Variants in TMIGD2 observed in about 807,000 individuals in gnomAD.
TMIGD2 encodes the protein transmembrane and immunoglobulin domain-containing protein 2.
A neutral mutation model predicts 22.6 loss-of-function variants in TMIGD2; 18 were observed. That is an observed-to-expected ratio of 0.80 (90% CI 0.55 to 1.18). The LOEUF (loss-of-function observed/expected upper bound fraction) is 1.18. Among genes scored for constraint, TMIGD2 ranks in the 50% most tolerant of loss-of-function variants. The probability of loss-of-function intolerance (pLI) is 0.00; values close to 1 mark genes in which losing one functional copy is unlikely to be tolerated. For synonymous variants in TMIGD2, 184 were observed against 154.1 expected, an observed-to-expected ratio of 1.19 and a Z score of -1.44; for missense variants, 361 against 378.2, an observed-to-expected ratio of 0.95 and a Z score of 0.38.
At chr19:4,297,367 C>A (rs1971474971) in intron 2 of TMIGD2, among the ~76,000 whole-genome samples, 1 of 151,338 alleles carries the variant, frequency 6.6e-6, no homozygotes, top group South Asian at 2.1e-4. Flanking sequence ...CCGCGCCCAG[C>A]TGATGGCTTT....
intron 4 of TMIGD2, among the ~76,000 whole-genome samples, chr19:4,294,150 C>T (rs1386560033): frequency 1.3e-5 from 2 of 151,796 alleles, no homozygotes; most frequent in East Asian, 3.9e-4. Flanking sequence ...TCACTGCAAC[C>T]TCTGCCTCCC....
chr19:4,302,222 A>G, intron 1 of TMIGD2, 118 bp downstream of exon 1: 1 of 1,076,712 alleles, frequency 9.3e-7, no homozygotes, highest in South Asian at 1.7e-5. Context: ...TCGGAGGGAG[A>G]TGGGCCTTAT....
chr19:4,302,030 T>C (rs1490140308), intron 1 of TMIGD2, among the ~76,000 whole-genome samples: 1 of 152,092 alleles, frequency 6.6e-6, no homozygotes, highest in African/African-American at 2.4e-5. Context: ...AGCCTTCCCA[T>C]TGCGGAAACA....
Position 4,294,234 on chromosome 19 carries a change from A to AT in TMIGD2, c.562+332dup, listed in dbSNP as rs555122770. 6.5e-4 allele frequency among the ~76,000 whole-genome samples: 99 copies of AT among 151,388 alleles called. 2 individuals carry two copies. In the South Asian group the frequency reaches 0.02, roughly 30 times the overall value. On this transcript the variant is annotated intron_variant, in intron 4 of 4. Transcript: ENST00000301272. Reference sequence around the variant, plus strand: ...AGGCGTCTGCCACCACACCTAGCTAATTTTTTGTATTTTTAGTAGATACAA... The same window carrying AT: ...AGGCGTCTGCCACCACACCTAGCTAATTTTTTTGTATTTTTAGTAGATACAA...
chr19:4,294,680 C>T, exon 4 of TMIGD2: 1 of 1,588,250 alleles, frequency 6.3e-7, no homozygotes, highest in Admixed American at 1.8e-5. Flanking sequence ...GAAGAGGAAT[C>T]CTGGGTAGGG....
At chr19:4,295,761 CAGAG>C (rs1383519362) in intron 2 of TMIGD2, among the ~76,000 whole-genome samples, 1 of 152,100 alleles carries the variant, frequency 6.6e-6, no homozygotes, top group East Asian at 1.9e-4. Flanking sequence ...AACCGAGGCT[CAGAG>C]AGCCTAAGTC....
exon 2 of TMIGD2, chr19:4,298,225 C>T (rs771551646): frequency 2.9e-5 from 47 of 1,613,020 alleles, no homozygotes; most frequent in East Asian, 6.7e-5. Flanking sequence ...CCACTTAACA[C>T]GGAGCCGTTC....
At chr19:4,301,326 G>A (rs567077654) in intron 1 of TMIGD2, among the ~76,000 whole-genome samples, 1 of 152,108 alleles carries the variant, frequency 6.6e-6, no homozygotes, top group Non-Finnish European at 1.5e-5. Flanking sequence ...GATTGCTTGA[G>A]GCCAGGAGTT....
In TMIGD2 at chr19:4,294,224, C is replaced by T. The variant is rs535687879; in HGVS notation, c.562+343G>A. Among the ~76,000 whole-genome samples the T allele has an allele frequency of 4.5e-3, 687 of 151,722 alleles. 5 individuals carry two copies. The highest frequency in any genetic ancestry group is 0.015 in the African/African-American group (608 of 41,128). ...CTGGTATTACAGGCGTCTGCCACCA[C>T]ACCTAGCTAATTTTTTGTATTTTTA... On this transcript the variant is annotated intron_variant, in intron 4 of 4. Coordinates refer to ENST00000301272, the Ensembl canonical transcript of TMIGD2.
At chr19:4,298,655 G>T (rs1047265654) in intron 1 of TMIGD2, among the ~76,000 whole-genome samples, 1 of 152,102 alleles carries the variant, frequency 6.6e-6, no homozygotes, top group African/African-American at 2.4e-5. Context: ...GGGATCGCTT[G>T]AGCCCAGGCG....
exon 5 of TMIGD2, chr19:4,292,847 C>T: frequency 1.2e-6 from 2 of 1,613,898 alleles, no homozygotes; most frequent in Non-Finnish European, 1.7e-6. Context: ...TTTGGGGCCC[C>T]CCGGGGCCGG....
At chr19:4,299,293 T>A (rs143987761) in intron 1 of TMIGD2, among the ~76,000 whole-genome samples, 17 of 151,964 alleles carry the variant, frequency 1.1e-4, no homozygotes, top group Admixed American at 1.1e-3. Context: ...TACAGGCATG[T>A]AACCACTATG....
intron 4 of TMIGD2, among the ~76,000 whole-genome samples, chr19:4,293,213 G>A (rs568902270): frequency 2.0e-5 from 3 of 151,144 alleles, no homozygotes; most frequent in Non-Finnish European, 4.4e-5. Context: ...CACCCGCCTC[G>A]GCCTCCCAAA....
chr19:4,295,094 C>G (rs936655836), intron 2 of TMIGD2, among the ~76,000 whole-genome samples: 22 of 137,684 alleles, frequency 1.6e-4, no homozygotes, highest in South Asian at 7.3e-4. Flanking sequence ...AACCCCATCT[C>G]TACAAAAAAA....
At chr19:4,294,955 TTC>T (rs1971441919) in intron 2 of TMIGD2, 139 bp from the exon 3 acceptor site, 1 of 843,168 alleles carries the variant, frequency 1.2e-6, no homozygotes, top group African/African-American at 1.8e-5. Context: ...GAACCTCTGT[TTC>T]TTCTTCTGAA....
chr19:4,298,155 C>T (rs375107534), exon 2 of TMIGD2: 20 of 1,613,370 alleles, frequency 1.2e-5, no homozygotes, highest in Non-Finnish European at 1.6e-5. Context: ...GCCCGCAGAC[C>T]CCCAGGCTGA....
intron 2 of TMIGD2, among the ~76,000 whole-genome samples, chr19:4,295,216 G>T (rs563314468): frequency 6.9e-6 from 1 of 143,902 alleles, no homozygotes; most frequent in Non-Finnish European, 1.5e-5. Context: ...AGCCGAGATC[G>T]TGTCACTACG....
exon 5 of TMIGD2, chr19:4,292,568 G>T (rs1412725118): frequency 1.3e-6 from 2 of 1,594,784 alleles, no homozygotes; most frequent in Non-Finnish European, 1.7e-6. Context: ...GTACCTATGG[G>T]TGGGGTCCTG....
intron 2 of TMIGD2, 136 bp from the exon 3 acceptor site, chr19:4,294,952 T>A: frequency 2.3e-6 from 2 of 851,676 alleles, no homozygotes; most frequent in Admixed American, 7.6e-5. Flanking sequence ...TCTGAACCTC[T>A]GTTTCTTCTT....
Sources: gnomAD v4.1 joint callset for allele counts (sites outside exome capture counted in the v4.1 genomes callset) on GRCh38, gnomAD v4.1.1 for gene constraint, MANE v1.5 for transcripts, NCBI Gene and HGNC (gene_info 2026-07-23, HGNC 2026-07-21) for gene names.